Variants in RIN2 observed in about 807,000 individuals in gnomAD.
The protein encoded by RIN2 is RAB5 interacting protein 2.
Under a neutral mutation model 78.0 loss-of-function variants are expected in RIN2, and 36 were observed. The observed-to-expected ratio is 0.46, with a 90% CI of 0.35 to 0.61. The LOEUF is 0.61. RIN2 is among the 20% of genes least tolerant of loss of function. RIN2 has a pLI of 0.00. For missense variants in RIN2, 1,087 were observed against 1,159.7 expected (o/e 0.94, Z 0.91); for synonymous variants, 466 against 466.8 (o/e 1.00, Z 0.02).
chr20:19,893,830 T>G (rs2038595895), intron 3 of RIN2, among the ~76,000 whole-genome samples: 1 of 152,162 alleles, frequency 6.6e-6, no homozygotes, highest in Non-Finnish European at 1.5e-5. Flanking sequence ...TGTAGCATTT[T>G]GGGAGGGCAA....
At chr20:19,862,313 C>T (rs957604118) in intron 2 of RIN2, among the ~76,000 whole-genome samples, 20 of 152,120 alleles carry the variant, frequency 1.3e-4, no homozygotes, top group Non-Finnish European at 2.4e-4. Flanking sequence ...TGAACTTGGC[C>T]GGGCGTGTTG....
intron 3 of RIN2, among the ~76,000 whole-genome samples, chr20:19,908,490 C>CA (rs11482794): frequency 0.055 from 6,063 of 110,546 alleles, 214 homozygotes; most frequent in East Asian, 0.13. Flanking sequence ...GACTCCGTCT[C>CA]AAAAAAAAAA....
chr20:19,951,152 C>T (rs1281561966), intron 4 of RIN2, among the ~76,000 whole-genome samples: 1 of 152,094 alleles, frequency 6.6e-6, no homozygotes, highest in Non-Finnish European at 1.5e-5. Context: ...CCTTGCCCTC[C>T]CAAAGTGCTG....
intron 2 of RIN2, among the ~76,000 whole-genome samples, chr20:19,854,725 G>A (rs1367422997): frequency 1.3e-5 from 2 of 152,190 alleles, no homozygotes; most frequent in African/African-American, 4.8e-5. Context: ...TTTGCACATT[G>A]ATTTTGTATC....
At chr20:19,932,434 C>A (rs140882355) in intron 3 of RIN2, among the ~76,000 whole-genome samples, 42 of 152,264 alleles carry the variant, frequency 2.8e-4, no homozygotes, top group Admixed American at 1.2e-3. Context: ...CCTGTTTTCC[C>A]ACATCCTAGA....
At chr20:19,816,245 G>GTAC (rs2035762842) in intron 2 of RIN2, among the ~76,000 whole-genome samples, 1 of 152,144 alleles carries the variant, frequency 6.6e-6, no homozygotes, top group Admixed American at 6.5e-5. Flanking sequence ...TGCCTTAACA[G>GTAC]TAATCAATTA....
At chr20:19,852,828 T>C (rs1229484088) in intron 2 of RIN2, among the ~76,000 whole-genome samples, 4 of 152,154 alleles carry the variant, frequency 2.6e-5, no homozygotes, top group Non-Finnish European at 5.9e-5. Flanking sequence ...TAGGATAAGG[T>C]GCTTTACATA....
At chr20:19,937,933 G>C (rs1568633072) in intron 4 of RIN2, among the ~76,000 whole-genome samples, 1 of 152,208 alleles carries the variant, frequency 6.6e-6, no homozygotes, top group Non-Finnish European at 1.5e-5. Flanking sequence ...AGTTCATTCA[G>C]AATGAGGCTA....
At chr20:19,848,789 C>G (rs1001925598) in intron 2 of RIN2, among the ~76,000 whole-genome samples, 11 of 152,078 alleles carry the variant, frequency 7.2e-5, no homozygotes, top group African/African-American at 2.7e-4. Flanking sequence ...ACTACTGCCT[C>G]TAGGTTATTC....
chr20:19,862,435 T>C (rs528152836), intron 2 of RIN2, among the ~76,000 whole-genome samples: 2 of 151,974 alleles, frequency 1.3e-5, no homozygotes, highest in Non-Finnish European at 2.9e-5. Context: ...CTACTAAAAA[T>C]ACAAAAAATT....
chr20:19,853,356 T>A (rs1277864414), intron 2 of RIN2, among the ~76,000 whole-genome samples: 3 of 152,270 alleles, frequency 2.0e-5, no homozygotes, highest in African/African-American at 7.2e-5. Context: ...TGTGCATGTG[T>A]CTTTATAGCA....
chr20:19,966,529 G>A lies in RIN2; in HGVS notation c.536+1505G>A, dbSNP rs148797492. On this transcript the variant is annotated intron_variant, in intron 7 of 12. Coordinates refer to ENST00000255006, the MANE Select transcript of RIN2 (RefSeq NM_018993.4). Reference sequence around the variant, plus strand: ...AGTAGAGATGGGGTTTTACCACGTTGGCCAGGCTGGTCTCAAACTCCTGAC... The same window carrying A: ...AGTAGAGATGGGGTTTTACCACGTTAGCCAGGCTGGTCTCAAACTCCTGAC... Among the ~76,000 whole-genome samples the A allele has an allele frequency of 3.2e-4, 48 of 152,176 alleles. 2 individuals carry two copies. In the East Asian group the frequency reaches 9.1e-3, roughly 29 times the overall value.
intron 2 of RIN2, among the ~76,000 whole-genome samples, chr20:19,842,450 C>T (rs2036612834): frequency 8.4e-6 from 1 of 118,370 alleles, no homozygotes; most frequent in South Asian, 2.9e-4. Flanking sequence ...CCATGTTGGC[C>T]AGGCTGGTCT....
At chr20:19,778,449 C>T (rs531847531) in intron 1 of RIN2, among the ~76,000 whole-genome samples, 1 of 152,306 alleles carries the variant, frequency 6.6e-6, no homozygotes, top group Admixed American at 6.5e-5. Context: ...GGGGTACTCA[C>T]AGTTTTGTGG....
intron 12 of RIN2, 65 bp from the exon 13 acceptor site, chr20:20,000,548 C>A: frequency 7.7e-7 from 1 of 1,300,406 alleles, no homozygotes; most frequent in Non-Finnish European, 1.1e-6. Context: ...CTCCCCTGGT[C>A]CCCCATCATG....
chr20:19,830,731 C>T (rs867090425), intron 2 of RIN2, among the ~76,000 whole-genome samples: 2 of 152,202 alleles, frequency 1.3e-5, no homozygotes, highest in Non-Finnish European at 1.5e-5. Flanking sequence ...ACTTGTTGCC[C>T]GGCTGCTGGG....
At chr20:19,861,172 C>T (rs181950968) in intron 2 of RIN2, among the ~76,000 whole-genome samples, 181 of 152,252 alleles carry the variant, frequency 1.2e-3, no homozygotes, top group African/African-American at 3.8e-3. Flanking sequence ...CACACTATTC[C>T]TTCTACCCTT....
intron 2 of RIN2, among the ~76,000 whole-genome samples, chr20:19,834,251 G>A (rs1457735177): frequency 1.3e-5 from 2 of 152,118 alleles, no homozygotes; most frequent in East Asian, 1.9e-4. Context: ...GATTACCTAC[G>A]AGCAAATTCA....
chr20:19,993,525 G>A (rs556686945), intron 11 of RIN2, among the ~76,000 whole-genome samples: 15 of 152,216 alleles, frequency 9.9e-5, no homozygotes, highest in African/African-American at 3.4e-4. Context: ...CATGGGTAGT[G>A]CTGACTCAGG....
Sources: gnomAD v4.1 joint callset for allele counts (sites outside exome capture counted in the v4.1 genomes callset) on GRCh38, gnomAD v4.1.1 for gene constraint, MANE v1.5 for transcripts, NCBI Gene and HGNC (gene_info 2026-07-23, HGNC 2026-07-21) for gene names.